Variants in SPATA21 observed in about 807,000 individuals in gnomAD.
SPATA21 encodes the protein spermatogenesis-associated protein 21.
SPATA21 carries 47 observed loss-of-function variants against 54.8 expected under a neutral mutation model. The ratio of observed to expected loss-of-function variants is 0.86; its 90% CI spans 0.68 to 1.09. The LOEUF (loss-of-function observed/expected upper bound fraction) is 1.09. Among genes scored for constraint, SPATA21 ranks in the 50% least tolerant of loss-of-function variants. SPATA21 has a pLI of 0.00. For synonymous variants in SPATA21, 245 were observed against 235.3 expected, an observed-to-expected ratio of 1.04 and a Z score of -0.38; for missense variants, 599 against 596.4, an observed-to-expected ratio of 1.00 and a Z score of -0.05.
At position 16,428,635 on chromosome 1, in the gene SPATA21, C is replaced by G. The variant is rs1187377760; in HGVS notation, c.34+2703G>C. 6.6e-6 allele frequency among the ~76,000 whole-genome samples: 1 copy of G among 152,048 alleles called. No individual in the cohort carries two copies. The highest frequency in any genetic ancestry group is 1.5e-5 in the Non-Finnish European group (1 of 68,018). On this transcript the variant is annotated intron_variant, in intron 3 of 12. Coordinates refer to ENST00000335496, the MANE Select transcript of SPATA21 (RefSeq NM_198546.1). This position sits in a 1 kb window ranked among gnomAD's most constrained non-coding sequence, Gnocchi z 4.3. ...AAGTGATCCGTCTGCCTCAGCCTCCCAAAGTGCTGGGATTACAGGCATGAG... is the reference window on the plus strand; with the variant it reads ...AAGTGATCCGTCTGCCTCAGCCTCCGAAAGTGCTGGGATTACAGGCATGAG...
intron 3 of SPATA21, among the ~76,000 whole-genome samples, chr1:16,430,919 G>T (rs575898873): frequency 1.3e-5 from 2 of 152,336 alleles, no homozygotes; most frequent in South Asian, 4.1e-4. Context: ...TGTAAGATGG[G>T]AAGATGTAAT....
At chr1:16,408,824 C>T (rs1462115822) in intron 7 of SPATA21, 5 of 249,920 alleles carry the variant, frequency 2.0e-5, no homozygotes, top group South Asian at 1.1e-4. Context: ...GAGCTGAGAT[C>T]GCACCACTGC....
downstream of SPATA21, chr1:16,397,388 G>A (rs1424557577): frequency 1.3e-5 from 2 of 152,276 alleles, no homozygotes; most frequent in African/African-American, 2.4e-5. The surrounding 1 kb of genome is among the most constrained non-coding windows in gnomAD (Gnocchi z 5.4). Flanking sequence ...AGGCGGGAGG[G>A]AGATGAGGAA....
rs1230881649 is a variant in SPATA21 at position 16,428,302 on chromosome 1, C to G, written c.34+3036G>C. 6.6e-6 allele frequency among the ~76,000 whole-genome samples: 1 copy of G among 152,152 alleles called. No individual in the cohort carries two copies. Among genetic ancestry groups the G allele is most frequent in the Non-Finnish European group, 1.5e-5 (1 of 68,038 alleles). On this transcript the variant is annotated intron_variant, in intron 3 of 12. Transcript: ENST00000335496. The surrounding 1 kb of genome is among the most constrained non-coding windows in gnomAD (Gnocchi z 4.3). ...CCTTAAGGACAGCTTGAAAGAGCAC[C>G]CTGGGGGACCCCAAGACTCTCACAA...
At chr1:16,400,333 A>G in intron 11 of SPATA21, 1 of 675,254 alleles carries the variant, frequency 1.5e-6, no homozygotes, top group Non-Finnish European at 1.8e-6. Context: ...CATTTTTCTA[A>G]TCTGTAAAAT....
Position 16,409,473 on chromosome 1 carries a change from G to A in SPATA21, c.587+128C>T. ...TGGGAGATGCGGAGAGGAGACACAT[G>A]AGGAGAAATGGAGAGAGGGGGACAC... is the stretch of plus-strand genomic sequence containing the variant. On this transcript the variant is annotated intron_variant, in intron 6 of 12. Transcript: ENST00000335496. This position sits in a 1 kb window ranked among gnomAD's most constrained non-coding sequence, Gnocchi z 4.1. The A allele has an allele frequency of 9.8e-7, 1 of 1,019,810 alleles. No individual in the cohort carries two copies. Among genetic ancestry groups the A allele is most frequent in the Non-Finnish European group, 1.4e-6 (1 of 704,734 alleles). The allele number at this position is 1,019,810 out of a possible 1,614,324, so 63.2% of individuals were successfully genotyped here. A position where few individuals can be genotyped will look rare whatever the true frequency, so the allele number is the denominator to read the frequency against.
downstream of SPATA21, chr1:16,396,929 C>T (rs551244572): frequency 6.6e-6 from 1 of 152,524 alleles, no homozygotes; most frequent in East Asian, 1.9e-4. Flanking sequence ...GGAGGATTAC[C>T]TTCAGGAGAA....
chr1:16,418,551 C>T (rs2086081208), intron 5 of SPATA21, among the ~76,000 whole-genome samples: 1 of 151,420 alleles, frequency 6.6e-6, no homozygotes. Flanking sequence ...GGATTACAAG[C>T]ATGAGCCACC....
intron 3 of SPATA21, among the ~76,000 whole-genome samples, chr1:16,423,390 G>T (rs2086225646): frequency 7.1e-6 from 1 of 141,030 alleles, no homozygotes; most frequent in Non-Finnish European, 1.5e-5. Context: ...TCCAGCCTGG[G>T]CAACAGGGTG....
Position 16,428,244 on chromosome 1 carries a change from G to C in SPATA21, c.34+3094C>G, listed in dbSNP as rs910939370. On this transcript the variant is annotated intron_variant, in intron 3 of 12. Transcript: ENST00000335496. The surrounding 1 kb of genome is among the most constrained non-coding windows in gnomAD (Gnocchi z 4.3). The stretch of plus-strand genomic sequence containing the variant: ...GCACGTAAGGCTCTGGTATGAACTG[G>C]AGTCCAGATTAGTACCCGAGACAAG... Among the ~76,000 whole-genome samples the C allele has an allele frequency of 1.3e-5, 2 of 152,178 alleles. No individual in the cohort carries two copies. Among genetic ancestry groups the C allele is most frequent in the Non-Finnish European group, 2.9e-5 (2 of 68,028 alleles).
At position 16,426,320 on chromosome 1, in the gene SPATA21, A is replaced by T. The variant is rs182753441; in HGVS notation, c.35-4349T>A. 4.4e-3 allele frequency among the ~76,000 whole-genome samples: 672 copies of T among 151,504 alleles called. 3 individuals carry two copies. The highest frequency in any genetic ancestry group is 7.6e-3 in the Non-Finnish European group (515 of 67,888). ...GTCACCCAGGTTCGAGTGTAGTGGCATGATCTCAGCTCACTGCAACCTCCA... is the reference window on the plus strand; with the variant it reads ...GTCACCCAGGTTCGAGTGTAGTGGCTTGATCTCAGCTCACTGCAACCTCCA... On this transcript the variant is annotated intron_variant, in intron 3 of 12. Transcript: ENST00000335496.
At position 16,408,319 on chromosome 1, in the gene SPATA21, T is replaced by C. The variant is rs938026585; in HGVS notation, c.673+799A>G. Reference sequence around the variant, plus strand: ...GTAGGTGTTCAGAACTTTTTAACTTTTTGGTGCAGGTGAGATGCAGTGGGA... The same window carrying C: ...GTAGGTGTTCAGAACTTTTTAACTTCTTGGTGCAGGTGAGATGCAGTGGGA... On this transcript the variant is annotated intron_variant, in intron 7 of 12. Transcript: ENST00000335496. 6.6e-5 allele frequency among the ~76,000 whole-genome samples: 10 copies of C among 151,892 alleles called. No individual in the cohort carries two copies. In the South Asian group the frequency reaches 2.1e-3, roughly 32 times the overall value.
At chr1:16,406,470 C>T (rs1298316595) in intron 7 of SPATA21, among the ~76,000 whole-genome samples, 2 of 152,126 alleles carry the variant, frequency 1.3e-5, no homozygotes, top group Non-Finnish European at 2.9e-5. Context: ...GGGCTAGGTG[C>T]GATGGCTTAC....
chr1:16,411,887 C>T (rs541750410), intron 5 of SPATA21, among the ~76,000 whole-genome samples: 1 of 151,998 alleles, frequency 6.6e-6, no homozygotes, highest in East Asian at 1.9e-4. Flanking sequence ...TGCAAAATTC[C>T]TTGAAAGCGT....
Position 16,403,805 on chromosome 1 carries a change from T to A in SPATA21, c.923A>T (p.His308Leu). Residue 308 changes from histidine to leucine, a missense_variant, in exon 10 of 13, where the codon CAC (histidine) becomes CTC (leucine). Transcript: ENST00000335496. ...GGACAGGATCTCAAAGAGTAGAGTG[T>A]GGGGGTTGTGGGGAGCCATGTCCGA... ...ALSDMAPHNP[H>L]TLLFEILSLL... 6.2e-7 allele frequency: 1 copy of A among 1,611,070 alleles called. No homozygotes were observed. Among genetic ancestry groups the A allele is most frequent in the South Asian group, 1.1e-5 (1 of 90,552 alleles).
chr1:16,420,719 G>T (rs1469361922), intron 5 of SPATA21, among the ~76,000 whole-genome samples: 1 of 152,096 alleles, frequency 6.6e-6, no homozygotes, highest in East Asian at 1.9e-4. Flanking sequence ...TCAAGGCAGG[G>T]AGGGTGGTGG....
At chr1:16,433,914 A>C (rs1284528646) in intron 1 of SPATA21, among the ~76,000 whole-genome samples, 1 of 152,128 alleles carries the variant, frequency 6.6e-6, no homozygotes, top group Admixed American at 6.5e-5. Context: ...GGCTTTTAGG[A>C]TATTCACAGA....
rs1266208993 is a variant in SPATA21, at chr1:16,399,393, C to A, written c.1303G>T (p.Asp435Tyr). ...AAGAAGGGGCTGCGGATGTCAGGAT[C>A]CAGGCCAGGGGGTGTGCACTGGTCT... ...ALDQCTPPGLDPDIRSPFFQS... is the reference protein window; with the variant it reads ...ALDQCTPPGLYPDIRSPFFQS... Residue 435 changes from aspartate to tyrosine, a missense_variant, in exon 12 of 13, where the codon GAT becomes TAT. Physicochemically the swap from Asp to Tyr is radical, Grantham distance 160. Coordinates refer to ENST00000335496, the MANE Select transcript of SPATA21 (RefSeq NM_198546.1). The A allele has an allele frequency of 6.2e-7, 1 of 1,613,902 alleles. No homozygotes were observed. The highest frequency in any genetic ancestry group is 1.3e-5 in the African/African-American group (1 of 74,986).
chr1:16,404,554 C>T (rs967820033), intron 8 of SPATA21, among the ~76,000 whole-genome samples: 10 of 152,084 alleles, frequency 6.6e-5, no homozygotes, highest in South Asian at 2.1e-4. Flanking sequence ...CGGTGGCTCA[C>T]GCCTGTGATC....
Sources: allele counts gnomAD v4.1 joint callset (sites outside exome capture counted in the v4.1 genomes callset), GRCh38; gene constraint gnomAD v4.1.1; non-coding constraint Gnocchi (gnomAD v3.1); transcripts MANE v1.5; gene names NCBI Gene and HGNC (gene_info 2026-07-23, HGNC 2026-07-21).